BCL3: variants seen among roughly 807,000 people sequenced by gnomAD.
The protein encoded by BCL3 is BCL3 transcription coactivator, also known as B-cell lymphoma 3 protein.
BCL3 carries 15 observed loss-of-function variants against 35.7 expected under a neutral mutation model. The ratio of observed to expected loss-of-function variants is 0.42; its 90% confidence interval spans 0.28 to 0.65. The LOEUF is 0.65. Among genes scored for constraint, BCL3 ranks in the 30% least tolerant of loss-of-function variants. The pLI, the probability that BCL3 is intolerant of heterozygous loss-of-function variation, is 0.22. For missense variants in BCL3, 565 were observed against 641.7 expected, an observed-to-expected ratio of 0.88 and a Z score of 1.29; for synonymous variants, 311 against 284.3, an observed-to-expected ratio of 1.09 and a Z score of -0.95.
At position 44,757,059 on chromosome 19, in the gene BCL3, G is replaced by C. The variant is rs1263286784; in HGVS notation, c.562G>C (p.Val188Leu). Residue 188 changes from valine to leucine, a missense_variant, in exon 4 of 9, where the codon GTC becomes CTC. By Grantham distance (32) the Val-to-Leu change is conservative. Coordinates refer to ENST00000164227, the MANE Select transcript of BCL3 (RefSeq NM_005178.5). This position sits in a 1 kb window ranked among gnomAD's most constrained non-coding sequence, Gnocchi z 8.4. ...LAVITTLPSV[V>L]RLLVTAGASP... ...TGTGATCACCACATTACCGTCTGTG[G>C]TCCGGCTCCTGGTGACAGCTGGTGC... is the stretch of plus-strand genomic sequence containing the variant. 4 of 1,611,230 alleles carry C rather than the reference G, an allele frequency of 2.5e-6. No homozygotes were observed. In the East Asian group the frequency reaches 8.9e-5, roughly 36 times the overall value.
rs759914330 is a variant in BCL3, at chr19:44,756,255, A to T, written c.434A>T (p.Gln145Leu). The T allele has an allele frequency of 2.6e-6, 4 of 1,543,344 alleles. No individual in the cohort carries two copies. The highest frequency in any genetic ancestry group is 3.5e-6 in the Non-Finnish European group (4 of 1,141,574). ...GDTPLHIAVV[Q>L]GNLPAVHRLV... ...AGGCCTCTCCATATTGCTGTGGTGC[A>T]GGGTAACCTGCCAGCTGTGCACCGG... Residue 145 changes from glutamine to leucine, a missense_variant, in exon 3 of 9, where the codon CAG becomes CTG. Gln to Leu is a moderately radical substitution (Grantham distance 113). Coordinates refer to ENST00000164227, the MANE Select transcript of BCL3 (RefSeq NM_005178.5).
At position 44,756,308 on chromosome 19, in the gene BCL3, C is replaced by A; in HGVS notation, c.487C>A (p.Arg163=). 2.6e-6 allele frequency: 4 copies of A among 1,540,682 alleles called. No individual in the cohort carries two copies. Among genetic ancestry groups the A allele is most frequent in the African/African-American group, 2.8e-5 (2 of 71,962 alleles). Residue 163 remains arginine (R), a synonymous_variant, in exon 3 of 9, where the codon CGG becomes AGG. Transcript: ENST00000164227. ...RLVNLFQQGG[R]ELDIYNNLRQ... Reference sequence around the variant, plus strand: ...GGTCAACCTCTTCCAGCAGGGGGGCCGGGAGCTCGACATCTACAACAACCT... The same window carrying A: ...GGTCAACCTCTTCCAGCAGGGGGGCAGGGAGCTCGACATCTACAACAACCT...
intron 1 of BCL3, among the ~76,000 whole-genome samples, chr19:44,750,630 A>C (rs1599837571): frequency 6.6e-6 from 1 of 152,150 alleles, no homozygotes; most frequent in Non-Finnish European, 1.5e-5. Flanking sequence ...AGTTTGATCT[A>C]AAATTACCCA....
chr19:44,757,728 G>T lies in BCL3; in HGVS notation c.891+5G>T. ...ATGGTGCAGCTGCTGCTGCAGGTGC[G>T]TACAGCCCCCCTGAGCCTCGCGCCC... On this transcript the variant is annotated splice_donor_5th_base_variant and intron_variant, in intron 6 of 8. Coordinates refer to ENST00000164227, the MANE Select transcript of BCL3 (RefSeq NM_005178.5). This position sits in a 1 kb window ranked among gnomAD's most constrained non-coding sequence, Gnocchi z 8.4. The T allele has an allele frequency of 6.2e-7, 1 of 1,613,322 alleles. No homozygotes were observed.
At chr19:44,747,780 CTCTT>C (rs1167645186), upstream of BCL3, 18 of 1,073,940 alleles carry the variant, frequency 1.7e-5, no homozygotes, top group Admixed American at 5.1e-5. Context: ...CTTGCTATCT[CTCTT>C]TCTCTCAAGA....
At chr19:44,754,160 G>GA (rs765809895) in intron 2 of BCL3, among the ~76,000 whole-genome samples, 2 of 152,160 alleles carry the variant, frequency 1.3e-5, no homozygotes, top group Non-Finnish European at 2.9e-5. Context: ...CTGGAGCTCT[G>GA]AAGGACGGGG....
In BCL3 at chr19:44,748,972, G is replaced by A. The variant is rs762620688; in HGVS notation, c.182G>A (p.Arg61His). ...CTTGTCGTCCCCCTGGACCCTCTGC[G>A]CGGCGGCTGCGACCTGCCGGCGGTC... ...AGLVVPLDPL[R>H]GGCDLPAVPG... Residue 61 changes from arginine to histidine, a missense_variant, in exon 1 of 9, where the codon CGC becomes CAC. By Grantham distance (29) the Arg-to-His change is conservative. Around this residue, in one of 5 missense-constraint regions of BCL3, gnomAD observed 267 missense variants for 281.5 expected, o/e 0.95. Transcript: ENST00000164227. The A allele has an allele frequency of 1.0e-5, 14 of 1,374,060 alleles. No homozygotes were observed. The African/African-American group carries it at 1.1e-4, about 10-fold the overall frequency. The allele number at this position is 1,374,060 out of a possible 1,614,324, so 85.1% of individuals were successfully genotyped here.
chr19:44,758,689 T>C lies in BCL3; in HGVS notation c.1060-35T>C, dbSNP rs1010931784. 7.9e-6 allele frequency: 12 copies of C among 1,528,072 alleles called. No individual in the cohort carries two copies. The African/African-American group carries it at 9.6e-5, about 12-fold the overall frequency. The allele number at this position is 1,528,072 out of a possible 1,614,324, so 94.7% of individuals were successfully genotyped here. ...GGATGGGAGAGAGGACTGTGAGGCA[T>C]GGGTGGCTCTATGGTCACGCCCATC... On this transcript the variant is annotated intron_variant, in intron 7 of 8. Transcript: ENST00000164227.
chr19:44,751,359 G>A lies in BCL3; in HGVS notation c.389G>A (p.Arg130His), dbSNP rs745707405. 14 of 1,597,674 alleles carry A rather than the reference G, an allele frequency of 8.8e-6. No individual in the cohort carries two copies. Among genetic ancestry groups the A allele is most frequent in the East Asian group, 2.3e-5 (1 of 43,758 alleles). The change falls in exon 2 of 9, where the codon CGT (arginine) becomes CAT (histidine). Residue 130 changes from arginine to histidine, a missense_variant. This residue lies in a region of BCL3 where 267 missense variants were observed against 281.5 expected (regional missense o/e 0.95). Coordinates refer to ENST00000164227, the MANE Select transcript of BCL3 (RefSeq NM_005178.5). ...PLSADIAMAT[R>H]ADEDGDTPLH... ...TCTGCTGACATCGCCATGGCCACCC[G>A]TGCAGATGAGGACGGAGACACGTGA...
chr19:44,758,659 A>C, intron 7 of BCL3, 65 bp from the exon 8 acceptor site: 1 of 1,415,970 alleles, frequency 7.1e-7, no homozygotes, highest in Non-Finnish European at 9.7e-7. Context: ...CCAGTGAGCT[A>C]GGAGGGATGG....
intron 2 of BCL3, among the ~76,000 whole-genome samples, chr19:44,753,525 C>A (rs548890716): frequency 6.6e-6 from 1 of 152,302 alleles, no homozygotes; most frequent in East Asian, 1.9e-4. Flanking sequence ...CACTCACTCG[C>A]AGCCTCCCCC....
At chr19:44,752,107 CACAA>C (rs1367671922) in intron 2 of BCL3, among the ~76,000 whole-genome samples, 1 of 146,344 alleles carries the variant, frequency 6.8e-6, no homozygotes, top group East Asian at 2.0e-4. Context: ...CACACACACA[CACAA>C]ACTTGAAATT....
In BCL3 at chr19:44,749,000, C is replaced by T. The variant is rs892467827; in HGVS notation, c.210C>T (p.Pro70=). Residue 70 remains proline, a synonymous_variant, in exon 1 of 9, where the codon CCC becomes CCT. Transcript: ENST00000164227. The part of the protein sequence containing the change: ...LRGGCDLPAV[P]GPPHGLARPE... ...GCGGCTGCGACCTGCCGGCGGTCCC[C>T]GGGCCCCCCCACGGCCTGGCCCGGC... The T allele has an allele frequency of 8.7e-6, 12 of 1,384,406 alleles. No individual in the cohort carries two copies. In the African/African-American group the frequency reaches 1.5e-4, roughly 17 times the overall value. 85.8% of individuals were successfully genotyped at this position (1,384,406 alleles called of 1,614,324 possible). A position where few individuals can be genotyped will look rare whatever the true frequency, so the allele number is the denominator to read the frequency against.
Position 44,759,710 on chromosome 19 carries a change from C to CA in BCL3, c.*95_*96insA, listed in dbSNP as rs960283504. ...GAAACTGTGAAGATCTCACTCTGCC[C>CA]CCCCCCCCCATCTTCGGGACCAGGA... On this transcript the variant is annotated 3_prime_UTR_variant, in exon 9 of 9. Transcript: ENST00000164227. The CA allele has an allele frequency of 1.6e-5, 8 of 502,142 alleles. No individual in the cohort carries two copies. The highest frequency in any genetic ancestry group is 4.5e-5 in the Admixed American group (1 of 22,464). The allele number at this position is 502,142 out of a possible 1,614,324, so 31.1% of individuals were successfully genotyped here.
chr19:44,751,184 G>C (rs376918851), intron 1 of BCL3, 43 bp from the exon 2 acceptor site: 1 of 1,576,594 alleles, frequency 6.3e-7, no homozygotes, highest in African/African-American at 1.4e-5. Context: ...GGGTCTGTGG[G>C]TGTGGCCTCA....
At chr19:44,755,801 C>G (rs1245990566) in intron 2 of BCL3, among the ~76,000 whole-genome samples, 8 of 152,132 alleles carry the variant, frequency 5.3e-5, no homozygotes, top group Non-Finnish European at 1.2e-4. Context: ...ATCTGTAATC[C>G]CAGCTACTCA....
At chr19:44,756,564 A>G (rs1243046087) in intron 3 of BCL3, among the ~76,000 whole-genome samples, 1,452 of 77,542 alleles carry the variant, frequency 0.019, 29 homozygotes, top group South Asian at 0.085. Context: ...TGGGCTCCTG[A>G]GTCTGAGGGA....
At chr19:44,751,120 GA>G in intron 1 of BCL3, 106 bp from the exon 2 acceptor site, 1 of 1,411,542 alleles carries the variant, frequency 7.1e-7, no homozygotes. Context: ...GGACCCAGGA[GA>G]AAGGGCAGGT....
At position 44,759,752 on chromosome 19, in the gene BCL3, T is replaced by C. The variant is rs1967390925; in HGVS notation, c.*137T>C. Reference sequence around the variant, plus strand: ...GGACCAGGATTTGCACAGAAGCACATGCACCTACCCATACACCCCCTCTTC... The same window carrying C: ...GGACCAGGATTTGCACAGAAGCACACGCACCTACCCATACACCCCCTCTTC... On this transcript the variant is annotated 3_prime_UTR_variant, in exon 9 of 9. Transcript: ENST00000164227. The C allele has an allele frequency of 5.8e-6, 3 of 516,410 alleles. No individual in the cohort carries two copies. The highest frequency in any genetic ancestry group is 4.0e-5 in the Admixed American group (1 of 25,160). 32.0% of individuals were successfully genotyped at this position (516,410 alleles called of 1,614,324 possible).
Sources: gnomAD v4.1 joint callset for allele counts (sites outside exome capture counted in the v4.1 genomes callset) on GRCh38, gnomAD v4.1.1 for gene constraint, gnomAD v4.1.1 regional missense constraint, Gnocchi (gnomAD v3.1) non-coding constraint, MANE v1.5 for transcripts, NCBI Gene and HGNC (gene_info 2026-07-23, HGNC 2026-07-21) for gene names.